The following LCLAT1 variants were observed in gnomAD, a reference collection of about 807,000 sequenced individuals.
The protein encoded by LCLAT1 is 1-AGP acyltransferase 8.
A neutral mutation model predicts 30.7 loss-of-function variants in LCLAT1; 11 were observed. That is an observed-to-expected ratio of 0.36 (90% CI 0.23 to 0.59). The LOEUF is 0.59. Ranked by LOEUF, LCLAT1 falls within the 20% of genes least tolerant of loss-of-function variation. LCLAT1 has a pLI of 0.77. For missense variants in LCLAT1, 402 were observed against 458.6 expected (o/e 0.88, Z 1.13); for synonymous variants, 155 against 151.3 (o/e 1.02, Z -0.18).
chr2:30,509,271 C>T (rs1684824178), intron 1 of LCLAT1, among the ~76,000 whole-genome samples: 1 of 152,118 alleles, frequency 6.6e-6, no homozygotes, highest in African/African-American at 2.4e-5. Context: ...CTTTCTCTTG[C>T]CTGATTGTTC....
At position 30,586,552 on chromosome 2, in the gene LCLAT1, G is replaced by A. The variant is rs189167299; in HGVS notation, c.628+18376G>A. On this transcript the variant is annotated intron_variant, in intron 5 of 5. Coordinates refer to ENST00000379509, the MANE Select transcript of LCLAT1 (RefSeq NM_001002257.3). ...TCATTGTGACTTAACTAATTATTTA[G>A]AAATAGGTTCTTTGCAGATGTAAAG... Among the ~76,000 whole-genome samples, 289 of 152,250 alleles carry A rather than the reference G, an allele frequency of 1.9e-3. 1 individual carries two copies. The highest frequency in any genetic ancestry group is 6.7e-3 in the African/African-American group (277 of 41,538).
chr2:30,583,943 C>G (rs944694690), intron 5 of LCLAT1, among the ~76,000 whole-genome samples: 5 of 151,520 alleles, frequency 3.3e-5, no homozygotes, highest in African/African-American at 7.3e-5. Context: ...ATATGCAGAA[C>G]GTGCAGGTTT....
chr2:30,468,296 T>C (rs1572484839), intron 1 of LCLAT1, among the ~76,000 whole-genome samples: 1 of 152,212 alleles, frequency 6.6e-6, no homozygotes, highest in South Asian at 2.1e-4. Flanking sequence ...TTCTGTTCCA[T>C]TGGTCTCTCT....
intron 5 of LCLAT1, among the ~76,000 whole-genome samples, chr2:30,601,844 ACAACAAAAC>A (rs1667199409): frequency 4.0e-5 from 6 of 150,692 alleles, no homozygotes; most frequent in African/African-American, 7.3e-5. Context: ...ATATTTATCT[ACAACAAAAC>A]AAGGATCCTA....
chr2:30,586,235 C>G (rs1211543218), intron 5 of LCLAT1, among the ~76,000 whole-genome samples: 4 of 130,504 alleles, frequency 3.1e-5, no homozygotes, highest in South Asian at 5.0e-4. Context: ...GAGCAAGACT[C>G]CGTCTCAAAA....
rs1320063198 is a variant in LCLAT1, at chr2:30,569,443, G to T, written c.628+1267G>T. On this transcript the variant is annotated intron_variant, in intron 5 of 5. Coordinates refer to ENST00000379509, the MANE Select transcript of LCLAT1 (RefSeq NM_001002257.3). ...GTTCAAAGCCCACAGTCAACTAACA[G>T]AAGTGTGTTTGCACATTTCTGCTCT... is the stretch of plus-strand genomic sequence containing the variant. Among the ~76,000 whole-genome samples, 4 of 152,186 alleles carry T rather than the reference G, an allele frequency of 2.6e-5. No homozygotes were observed. In the East Asian group the frequency reaches 7.7e-4, roughly 29 times the overall value.
intron 1 of LCLAT1, among the ~76,000 whole-genome samples, chr2:30,461,895 C>G (rs555083587): frequency 6.0e-5 from 9 of 150,758 alleles, no homozygotes; most frequent in African/African-American, 1.7e-4. Flanking sequence ...CTCAGCCTCC[C>G]GCGTAGCTGG....
chr2:30,560,946 ATTTATTC>A (rs1346451166), intron 3 of LCLAT1, among the ~76,000 whole-genome samples: 1 of 151,560 alleles, frequency 6.6e-6, no homozygotes, highest in Non-Finnish European at 1.5e-5. Context: ...ATATGCTTTT[ATTTATTC>A]TTTTTGAGAT....
intron 1 of LCLAT1, among the ~76,000 whole-genome samples, chr2:30,468,982 A>T (rs1682625111): frequency 6.6e-6 from 1 of 152,038 alleles, no homozygotes; most frequent in Admixed American, 6.5e-5. Context: ...TGTGGTTTTG[A>T]TTTGCATTTC....
At chr2:30,475,137 A>G (rs1441491899) in intron 1 of LCLAT1, among the ~76,000 whole-genome samples, 1 of 151,880 alleles carries the variant, frequency 6.6e-6, no homozygotes, top group Non-Finnish European at 1.5e-5. Context: ...AGCTGGGATT[A>G]CAAGCATGTG....
At chr2:30,522,812 C>T (rs1446784316) in intron 1 of LCLAT1, among the ~76,000 whole-genome samples, 2 of 152,172 alleles carry the variant, frequency 1.3e-5, no homozygotes, top group Non-Finnish European at 2.9e-5. Context: ...TTTCTGGCCC[C>T]TTCGCAGGAG....
intron 1 of LCLAT1, among the ~76,000 whole-genome samples, chr2:30,466,652 A>G (rs553841980): frequency 6.6e-6 from 1 of 152,232 alleles, no homozygotes; most frequent in East Asian, 1.9e-4. Context: ...ACTTTGGTGA[A>G]TATCAGTCTC....
chr2:30,638,416 T>C (rs1669139619), intron 5 of LCLAT1, among the ~76,000 whole-genome samples: 1 of 152,228 alleles, frequency 6.6e-6, no homozygotes, highest in Admixed American at 6.5e-5. Context: ...AATTTCCTTA[T>C]GCTCCCTTCT....
chr2:30,571,872 T>A (rs1665793478), intron 5 of LCLAT1, among the ~76,000 whole-genome samples: 1 of 152,180 alleles, frequency 6.6e-6, no homozygotes, highest in South Asian at 2.1e-4. Flanking sequence ...ATTTTGGAAA[T>A]ATTTTTGTAG....
intron 3 of LCLAT1, among the ~76,000 whole-genome samples, chr2:30,542,978 G>C (rs1218812706): frequency 3.0e-5 from 2 of 65,832 alleles, no homozygotes; most frequent in African/African-American, 1.2e-4. Flanking sequence ...TTGCCTTATT[G>C]CGGTGGCTAT....
intron 1 of LCLAT1, among the ~76,000 whole-genome samples, chr2:30,477,997 T>C (rs1271504410): frequency 6.6e-6 from 1 of 151,198 alleles, no homozygotes; most frequent in Non-Finnish European, 1.5e-5. Context: ...GGGATAGGAA[T>C]TAAGGAATTT....
At chr2:30,500,969 C>T (rs940661335) in intron 1 of LCLAT1, among the ~76,000 whole-genome samples, 3 of 152,084 alleles carry the variant, frequency 2.0e-5, no homozygotes, top group African/African-American at 4.8e-5. Flanking sequence ...GACAATGAGA[C>T]ACCAGCCCCT....
intron 1 of LCLAT1, chr2:30,476,669 G>A: frequency 5.6e-6 from 2 of 355,106 alleles, no homozygotes; most frequent in Non-Finnish European, 1.1e-5. Context: ...ATATATTACA[G>A]TGTAGTAGTA....
At chr2:30,542,067 TTTC>T (rs1406358339) in intron 3 of LCLAT1, among the ~76,000 whole-genome samples, 1 of 152,212 alleles carries the variant, frequency 6.6e-6, no homozygotes, top group Admixed American at 6.5e-5. Flanking sequence ...TTATGGGTTG[TTTC>T]TTCTCTAACT....
Sources: gnomAD v4.1 joint callset for allele counts (sites outside exome capture counted in the v4.1 genomes callset) on GRCh38, gnomAD v4.1.1 for gene constraint, MANE v1.5 for transcripts, NCBI Gene and HGNC (gene_info 2026-07-23, HGNC 2026-07-21) for gene names.